Variants in SUMF1 observed in about 807,000 individuals in gnomAD.
The protein encoded by SUMF1 is sulfatase modifying factor 1.
A neutral mutation model predicts 47.6 loss-of-function variants in SUMF1; 48 were observed. The ratio of observed to expected loss-of-function variants is 1.01; its 90% CI spans 0.80 to 1.28. SUMF1 has a LOEUF of 1.28. Among genes scored for constraint, SUMF1 ranks in the 50% most tolerant of loss-of-function variants. The pLI, the probability that SUMF1 is intolerant of heterozygous loss-of-function variation, is 0.00. For missense variants in SUMF1, 571 were observed against 485.4 expected (o/e 1.18, Z -1.66); for synonymous variants, 230 against 192.1 (o/e 1.20, Z -1.63).
At chr3:4,406,188 A>C (rs1701370198) in intron 7 of SUMF1, among the ~76,000 whole-genome samples, 1 of 152,236 alleles carries the variant, frequency 6.6e-6, no homozygotes, top group African/African-American at 2.4e-5. Flanking sequence ...TGAAAGTGAT[A>C]TAAAGTTTGC....
chr3:4,429,370 C>T (rs899024877), intron 3 of SUMF1, among the ~76,000 whole-genome samples: 4 of 152,158 alleles, frequency 2.6e-5, no homozygotes, highest in African/African-American at 9.7e-5. Context: ...AGGTCTTTTC[C>T]AGTGTCTAAA....
At chr3:4,278,789 C>A (rs1233257794) in intron 8 of SUMF1, among the ~76,000 whole-genome samples, 1 of 152,108 alleles carries the variant, frequency 6.6e-6, no homozygotes, top group East Asian at 1.9e-4. Context: ...ATAAAAGAAA[C>A]CCCGGGTTCA....
intron 8 of SUMF1, among the ~76,000 whole-genome samples, chr3:4,095,843 G>T (rs558902480): frequency 1.2e-4 from 18 of 152,236 alleles, no homozygotes; most frequent in African/African-American, 4.1e-4. Flanking sequence ...GCTAGTGGTA[G>T]ATAACTCTGG....
At chr3:4,294,335 G>A (rs1697800836) in intron 8 of SUMF1, among the ~76,000 whole-genome samples, 1 of 152,194 alleles carries the variant, frequency 6.6e-6, no homozygotes, top group Admixed American at 6.5e-5. Context: ...GGCCAAGGCA[G>A]AGGGATCATC....
intron 8 of SUMF1, among the ~76,000 whole-genome samples, chr3:4,290,731 G>A (rs1697725018): frequency 6.6e-6 from 1 of 151,998 alleles, no homozygotes; most frequent in Non-Finnish European, 1.5e-5. Context: ...ATATTGTATA[G>A]TCTTATCTCC....
At chr3:4,378,111 A>T (rs1045831639) in intron 7 of SUMF1, among the ~76,000 whole-genome samples, 2 of 152,214 alleles carry the variant, frequency 1.3e-5, no homozygotes, top group African/African-American at 2.4e-5. Flanking sequence ...TAAGTTGAAA[A>T]TATTATTAAG....
intron 8 of SUMF1, among the ~76,000 whole-genome samples, chr3:4,315,416 A>T (rs559781804): frequency 1.3e-5 from 2 of 152,170 alleles, no homozygotes; most frequent in Admixed American, 6.5e-5. Context: ...CCCAGAGGAC[A>T]ATCTTCCATT....
At chr3:4,268,243 G>A (rs1697236790) in intron 8 of SUMF1, among the ~76,000 whole-genome samples, 1 of 152,002 alleles carries the variant, frequency 6.6e-6, no homozygotes, top group African/African-American at 2.4e-5. Flanking sequence ...TTGTGGGGTT[G>A]GGGGAGAGGG....
intron 8 of SUMF1, among the ~76,000 whole-genome samples, chr3:4,153,730 T>G (rs759625382): frequency 3.3e-5 from 5 of 151,606 alleles, no homozygotes; most frequent in Non-Finnish European, 7.4e-5. Context: ...CTCCTTTGTA[T>G]AGTTATTGTA....
rs1696889148 is a variant in SUMF1, at chr3:4,254,238, C to A, written c.1014+122092G>T. ...CCTCCAAAGGAACACAGTTCCTCAA[C>A]AGCAACGGAACAAAGCTGGATGGAG... On this transcript the variant is annotated intron_variant and NMD_transcript_variant, in intron 8 of 12. Coordinates refer to the SUMF1 transcript ENST00000448413. Among the ~76,000 whole-genome samples, 4 of 152,100 alleles carry A rather than the reference C, an allele frequency of 2.6e-5. No individual in the cohort carries two copies. The South Asian group carries it at 8.3e-4, about 32-fold the overall frequency.
In SUMF1 at chr3:4,173,990, C is replaced by A. The variant is rs528529288; in HGVS notation, c.1015-105245G>T. The stretch of plus-strand genomic sequence containing the variant: ...GGAGTATACCTATGTAACAAACCTG[C>A]ACATTCTGCACATGTATCTGCACAT... On this transcript the variant is annotated intron_variant and NMD_transcript_variant, in intron 8 of 12. Transcript: ENST00000448413. 5.1e-4 allele frequency among the ~76,000 whole-genome samples: 78 copies of A among 152,214 alleles called. No individual in the cohort carries two copies. The South Asian group carries it at 5.6e-3, about 11-fold the overall frequency.
chr3:4,096,946 C>T (rs1692918963), intron 8 of SUMF1, among the ~76,000 whole-genome samples: 1 of 152,002 alleles, frequency 6.6e-6, no homozygotes, highest in African/African-American at 2.4e-5. Flanking sequence ...GAATTTGATT[C>T]CTGGCAACGA....
intron 8 of SUMF1, among the ~76,000 whole-genome samples, chr3:4,167,316 T>C (rs1478595171): frequency 6.6e-6 from 1 of 152,128 alleles, no homozygotes; most frequent in Non-Finnish European, 1.5e-5. Context: ...ATTTGTCCCC[T>C]CCCATGTCTG....
At chr3:4,218,541 G>C (rs1695990269) in intron 8 of SUMF1, among the ~76,000 whole-genome samples, 5 of 152,112 alleles carry the variant, frequency 3.3e-5, no homozygotes. Flanking sequence ...GGCTCATCAA[G>C]AAGTCACTCT....
At chr3:4,365,045 C>T (rs1699903682) in intron 8 of SUMF1, among the ~76,000 whole-genome samples, 1 of 151,756 alleles carries the variant, frequency 6.6e-6, no homozygotes, top group Non-Finnish European at 1.5e-5. Flanking sequence ...TTTCTTAATC[C>T]TGAGTTCTAG....
chr3:4,093,680 G>A (rs376435127), intron 8 of SUMF1, among the ~76,000 whole-genome samples: 1 of 152,098 alleles, frequency 6.6e-6, no homozygotes, highest in African/African-American at 2.4e-5. Context: ...GAAACAATAA[G>A]GGAAAAGGCT....
intron 9 of SUMF1, among the ~76,000 whole-genome samples, chr3:4,057,091 G>C (rs1360889530): frequency 2.6e-5 from 4 of 152,092 alleles, no homozygotes. Flanking sequence ...TCTGCAATCA[G>C]AAAAAGTTAT....
At chr3:4,153,614 AT>A (rs901857231) in intron 8 of SUMF1, among the ~76,000 whole-genome samples, 9 of 151,130 alleles carry the variant, frequency 6.0e-5, no homozygotes, top group African/African-American at 2.0e-4. Context: ...GCCCTAAAAA[AT>A]ATTAACTTTC....
At chr3:4,390,550 T>C (rs1055045007) in intron 7 of SUMF1, among the ~76,000 whole-genome samples, 1 of 152,134 alleles carries the variant, frequency 6.6e-6, no homozygotes, top group African/African-American at 2.4e-5. Context: ...TCTGGGTTGC[T>C]TGCTTCCCTA....
Sources: allele counts gnomAD v4.1 joint callset (sites outside exome capture counted in the v4.1 genomes callset), GRCh38; gene constraint gnomAD v4.1.1; transcripts MANE v1.5; gene names NCBI Gene and HGNC (gene_info 2026-07-23, HGNC 2026-07-21).